The following AFAP1 variants were observed in gnomAD, a reference collection of about 807,000 sequenced individuals.
AFAP1 encodes the protein actin filament-associated protein 1.
AFAP1 carries 75 observed loss-of-function variants against 93.9 expected under a neutral mutation model. That is an observed-to-expected ratio of 0.80 (90% confidence interval 0.66 to 0.97). AFAP1 has a LOEUF of 0.97. Ranked by LOEUF, AFAP1 falls within the 50% of genes least tolerant of loss-of-function variation. The pLI, the probability that AFAP1 is intolerant of heterozygous loss-of-function variation, is 0.00. For missense variants in AFAP1, 1,201 were observed against 1,050.8 expected (o/e 1.14, Z -1.98); for synonymous variants, 517 against 430.7 (o/e 1.20, Z -2.48).
At chr4:7,879,051 TAAA>T (rs1329364052) in intron 1 of AFAP1, among the ~76,000 whole-genome samples, 3 of 152,182 alleles carry the variant, frequency 2.0e-5, no homozygotes, top group African/African-American at 7.2e-5. Flanking sequence ...GTTCTTACAC[TAAA>T]AAATGAAATC....
intron 11 of AFAP1, among the ~76,000 whole-genome samples, chr4:7,790,781 G>C (rs1455081360): frequency 6.6e-6 from 1 of 152,170 alleles, no homozygotes; most frequent in African/African-American, 2.4e-5. Context: ...AGTATAAACA[G>C]AACGGTAAGT....
intron 1 of AFAP1, among the ~76,000 whole-genome samples, chr4:7,898,831 G>GTGTGTGTGTGTA: frequency 6.6e-6 from 1 of 151,296 alleles, no homozygotes; most frequent in African/African-American, 2.4e-5. Context: ...GTGTGTGTGT[G>GTGTGTGTGTGTA]TGTGTGTCTA....
intron 1 of AFAP1, among the ~76,000 whole-genome samples, chr4:7,898,808 AGT>A (rs56404898): frequency 0.015 from 2,104 of 137,002 alleles, 32 homozygotes; most frequent in Non-Finnish European, 0.02. Context: ...GGGCAGTAGA[AGT>A]GTGTGTGTGT....
intron 2 of AFAP1, among the ~76,000 whole-genome samples, chr4:7,869,324 A>G (rs994731641): frequency 3.9e-5 from 6 of 152,388 alleles, no homozygotes; most frequent in Admixed American, 3.3e-4. Flanking sequence ...CATGCTCCTC[A>G]GTGCCGTGCT....
At chr4:7,801,262 C>T (rs1224213794) in intron 9 of AFAP1, among the ~76,000 whole-genome samples, 2 of 152,216 alleles carry the variant, frequency 1.3e-5, no homozygotes, top group Non-Finnish European at 2.9e-5. Flanking sequence ...CTGCCGCCTT[C>T]CTGCTCCTCA....
At chr4:7,864,891 T>A (rs959273799) in intron 3 of AFAP1, among the ~76,000 whole-genome samples, 3 of 151,952 alleles carry the variant, frequency 2.0e-5, no homozygotes, top group Non-Finnish European at 2.9e-5. Flanking sequence ...GGCAGGAGGA[T>A]TGCTTGAGCA....
chr4:7,805,371 C>A (rs994679175), intron 9 of AFAP1, among the ~76,000 whole-genome samples: 6 of 152,194 alleles, frequency 3.9e-5, no homozygotes, highest in Non-Finnish European at 5.9e-5. Context: ...CTCCGACTTG[C>A]CCCCTGGGGC....
intron 6 of AFAP1, among the ~76,000 whole-genome samples, chr4:7,824,424 TACACAC>T (rs10660353): frequency 6.6e-6 from 1 of 150,494 alleles, no homozygotes; most frequent in Non-Finnish European, 1.5e-5. Context: ...AGCATTTGTG[TACACAC>T]ACACACACAC....
intron 5 of AFAP1, among the ~76,000 whole-genome samples, chr4:7,840,844 G>C (rs543658442): frequency 6.6e-6 from 1 of 152,148 alleles, no homozygotes. Context: ...TTTATTTTTT[G>C]ATTTTAAATT....
intron 1 of AFAP1, among the ~76,000 whole-genome samples, chr4:7,925,800 G>C (rs182769607): frequency 6.6e-6 from 1 of 151,244 alleles, no homozygotes; most frequent in South Asian, 2.1e-4. Context: ...AGTGGAGATC[G>C]TGCCCATGCA....
intron 1 of AFAP1, among the ~76,000 whole-genome samples, chr4:7,875,757 TAAA>T (rs1717461576): frequency 6.6e-6 from 1 of 152,048 alleles, no homozygotes. Context: ...ATTCATCCAT[TAAA>T]AAGAAAAAAA....
intron 2 of AFAP1, 69 bp downstream of exon 2, chr4:7,871,883 T>C: frequency 6.5e-7 from 1 of 1,547,510 alleles, no homozygotes; most frequent in South Asian, 1.2e-5. Flanking sequence ...AGAAAGGTGG[T>C]AAAATTAAAG....
intron 4 of AFAP1, among the ~76,000 whole-genome samples, chr4:7,853,703 C>G (rs1488055407): frequency 6.6e-6 from 1 of 152,192 alleles, no homozygotes; most frequent in South Asian, 2.1e-4. Flanking sequence ...GCAGGTTTCA[C>G]AAAACCATCT....
intron 16 of AFAP1, among the ~76,000 whole-genome samples, chr4:7,771,697 C>T (rs576847399): frequency 3.3e-5 from 5 of 152,334 alleles, no homozygotes; most frequent in Non-Finnish European, 7.3e-5. Context: ...TGTGTGACCC[C>T]AGAGCCACCT....
At chr4:7,936,018 C>T (rs1721359488) in intron 1 of AFAP1, among the ~76,000 whole-genome samples, 1 of 152,158 alleles carries the variant, frequency 6.6e-6, no homozygotes, top group African/African-American at 2.4e-5. Flanking sequence ...CTCCTAAGAT[C>T]ACATTCCCCA....
intron 9 of AFAP1, among the ~76,000 whole-genome samples, chr4:7,808,054 T>C (rs769593446): frequency 2.0e-5 from 3 of 152,274 alleles, no homozygotes; most frequent in Non-Finnish European, 4.4e-5. Flanking sequence ...ACACCTTGGA[T>C]ATAACGGGTG....
At chr4:7,807,510 A>G (rs1448574681) in intron 9 of AFAP1, among the ~76,000 whole-genome samples, 3 of 152,176 alleles carry the variant, frequency 2.0e-5, no homozygotes, top group Non-Finnish European at 4.4e-5. Flanking sequence ...AAGGGAGGGT[A>G]GTGGAAAAAC....
intron 1 of AFAP1, among the ~76,000 whole-genome samples, chr4:7,894,894 G>C (rs1347215028): frequency 3.3e-5 from 5 of 152,208 alleles, no homozygotes; most frequent in African/African-American, 1.2e-4. Context: ...CTGATCTCCA[G>C]GGAGGGGGAT....
At chr4:7,856,563 A>G (rs1021663300) in intron 3 of AFAP1, among the ~76,000 whole-genome samples, 1 of 152,166 alleles carries the variant, frequency 6.6e-6, no homozygotes, top group Non-Finnish European at 1.5e-5. Context: ...TAACAAACTC[A>G]GAGACCGAAA....
Sources: gnomAD v4.1 joint callset for allele counts (sites outside exome capture counted in the v4.1 genomes callset) on GRCh38, gnomAD v4.1.1 for gene constraint, MANE v1.5 for transcripts, NCBI Gene and HGNC (gene_info 2026-07-23, HGNC 2026-07-21) for gene names.